The following UIMC1 variants were observed in gnomAD, a reference collection of about 807,000 sequenced individuals.
The protein encoded by UIMC1 is ubiquitin interaction motif containing 1.
A neutral mutation model predicts 84.9 loss-of-function variants in UIMC1; 42 were observed. The ratio of observed to expected loss-of-function variants is 0.49; its 90% CI spans 0.39 to 0.64. The LOEUF (loss-of-function observed/expected upper bound fraction) is 0.64, where lower values mean the gene tolerates loss of function less well. Ranked by LOEUF, UIMC1 falls within the 30% of genes least tolerant of loss-of-function variation. The pLI, the probability that UIMC1 is intolerant of heterozygous loss-of-function variation, is 0.00. For synonymous variants in UIMC1, 281 were observed against 293.0 expected (o/e 0.96, Z 0.42); for missense variants, 825 against 847.6 (o/e 0.97, Z 0.33).
intron 3 of UIMC1, 55 bp from the exon 4 acceptor site, chr5:176,970,921 T>C (rs1294864108): frequency 5.7e-6 from 9 of 1,586,884 alleles, no homozygotes; most frequent in Admixed American, 1.8e-5. Context: ...TGAATAATCA[T>C]GGAGGCAAGA....
chr5:176,951,369 A>T, intron 9 of UIMC1, 105 bp downstream of exon 9: 3 of 799,642 alleles, frequency 3.8e-6, no homozygotes, highest in Non-Finnish European at 5.5e-6. Context: ...CAAAACTAAA[A>T]CCCCCTGCCA....
chr5:176,969,380 T>C lies in UIMC1; in HGVS notation c.464-89A>G, dbSNP rs1581582366. 6 of 1,497,674 alleles carry C rather than the reference T, an allele frequency of 4.0e-6. No individual in the cohort carries two copies. The South Asian group carries it at 4.1e-5, about 10-fold the overall frequency. 92.8% of individuals were successfully genotyped at this position (1,497,674 alleles called of 1,614,324 possible). The stretch of plus-strand genomic sequence containing the variant: ...TTATCACTTACCAAGAATTACATAA[T>C]ATGGGTAAGAAAGGCTCTTCTTTGG... On this transcript the variant is annotated intron_variant, in intron 5 of 14. Transcript: ENST00000511320.
At chr5:176,947,350 T>TTA (rs995084590) in intron 9 of UIMC1, among the ~76,000 whole-genome samples, 8 of 151,874 alleles carry the variant, frequency 5.3e-5, no homozygotes, top group Non-Finnish European at 8.8e-5. Flanking sequence ...TCTACTTCTT[T>TTA]TATATATATA....
chr5:176,986,237 A>G (rs147078436), intron 1 of UIMC1, among the ~76,000 whole-genome samples: 1,626 of 151,556 alleles, frequency 0.011, 11 homozygotes, highest in South Asian at 0.025. Context: ...GCGTGTGACT[A>G]TAATCCCACC....
chr5:176,929,916 A>T (rs1283617799), intron 10 of UIMC1, among the ~76,000 whole-genome samples: 1 of 152,226 alleles, frequency 6.6e-6, no homozygotes. Flanking sequence ...GGATATTGTC[A>T]TCAGAACCTA....
intron 1 of UIMC1, among the ~76,000 whole-genome samples, chr5:177,004,442 A>T (rs150825261): frequency 6.6e-6 from 1 of 151,472 alleles, no homozygotes; most frequent in Non-Finnish European, 1.5e-5. Flanking sequence ...TTCAACTACT[A>T]TTTTTTTTTA....
In UIMC1 at chr5:176,927,223, A is replaced by C. The variant is rs1216831676; in HGVS notation, c.1598-15834T>G. On this transcript the variant is annotated intron_variant, in intron 10 of 14. Transcript: ENST00000511320. ...TTAAAAAAGAAAAAAAAAAAAAAAA[A>C]AAGCACCAGTAGTGTGTCACAGACC... Among the ~76,000 whole-genome samples the C allele has an allele frequency of 2.1e-5, 3 of 142,068 alleles. No individual in the cohort carries two copies. In the East Asian group the frequency reaches 6.3e-4, roughly 30 times the overall value. The allele number at this position is 142,068 out of a possible 152,430, so 93.2% of individuals were successfully genotyped here.
Position 176,970,732 on chromosome 5 carries a change from G to A in UIMC1, c.357+10C>T. 1.2e-6 allele frequency: 2 copies of A among 1,613,890 alleles called. No individual in the cohort carries two copies. Among genetic ancestry groups the A allele is most frequent in the Non-Finnish European group, 8.5e-7 (1 of 1,180,004 alleles). Reference sequence around the variant, plus strand: ...AATCTCCACAAACTTTTGCAACATGGCATATTTACATTCAGGCTTTCAGCA... The same window carrying A: ...AATCTCCACAAACTTTTGCAACATGACATATTTACATTCAGGCTTTCAGCA... On this transcript the variant is annotated intron_variant, in intron 4 of 14. Transcript: ENST00000511320.
chr5:176,939,010 T>C (rs532734212), intron 10 of UIMC1, among the ~76,000 whole-genome samples: 21 of 151,050 alleles, frequency 1.4e-4, no homozygotes, highest in South Asian at 1.3e-3. Flanking sequence ...CCCAACACTT[T>C]AGGAGGCCAA....
intron 2 of UIMC1, among the ~76,000 whole-genome samples, chr5:176,976,169 A>G (rs353463): frequency 6.6e-6 from 1 of 151,604 alleles, no homozygotes; most frequent in African/African-American, 2.4e-5. Flanking sequence ...AATTAAAAAG[A>G]ATTTTTTTTA....
In UIMC1 at chr5:176,959,869, T is replaced by C. The variant is rs574621329; in HGVS notation, c.1201-1715A>G. On this transcript the variant is annotated intron_variant, in intron 6 of 14. Transcript: ENST00000511320. ...CAACATGGAGAAATCCCGTCTCTAC[T>C]AAAAATACAAAATTAGCCGGGCATG... Among the ~76,000 whole-genome samples, 126 of 151,382 alleles carry C rather than the reference T, an allele frequency of 8.3e-4. 1 individual carries two copies. Among genetic ancestry groups the C allele is most frequent in the African/African-American group, 2.9e-3 (120 of 41,204 alleles).
chr5:176,905,239 C>T lies in UIMC1; in HGVS notation c.*43G>A, dbSNP rs886139011. ...ACTATGGCTTAATGAACATGGCCCA[C>T]CCCTCCTACTAATGGTTTTGTCAAC... On this transcript the variant is annotated 3_prime_UTR_variant, in exon 15 of 15. Coordinates refer to ENST00000511320, the MANE Select transcript of UIMC1 (RefSeq NM_001199298.2). 5.0e-6 allele frequency: 8 copies of T among 1,601,374 alleles called. No homozygotes were observed. The African/African-American group carries it at 9.4e-5, about 19-fold the overall frequency.
intron 1 of UIMC1, among the ~76,000 whole-genome samples, chr5:177,020,587 C>T (rs1336276535): frequency 1.3e-5 from 2 of 152,152 alleles, no homozygotes; most frequent in Non-Finnish European, 2.9e-5. Context: ...CCCGCCACCA[C>T]GCCCGGCTAA....
At chr5:176,979,194 T>G (rs981933273) in intron 2 of UIMC1, among the ~76,000 whole-genome samples, 5 of 152,194 alleles carry the variant, frequency 3.3e-5, no homozygotes, top group African/African-American at 1.2e-4. Context: ...TTGGAAAGTG[T>G]TGGTAGATAT....
chr5:176,928,401 G>C (rs985756594), intron 10 of UIMC1, among the ~76,000 whole-genome samples: 6 of 152,120 alleles, frequency 3.9e-5, no homozygotes, highest in African/African-American at 1.4e-4. Flanking sequence ...AGATACTATG[G>C]AGGGAATAAA....
At chr5:176,964,869 C>G (rs992103032) in intron 6 of UIMC1, among the ~76,000 whole-genome samples, 3 of 152,178 alleles carry the variant, frequency 2.0e-5, no homozygotes, top group Admixed American at 6.6e-5. Context: ...CAAGCCACAG[C>G]TGACTGGGCT....
chr5:176,972,606 G>A (rs1475522608), intron 3 of UIMC1, among the ~76,000 whole-genome samples: 1 of 151,274 alleles, frequency 6.6e-6, no homozygotes, highest in African/African-American at 2.4e-5. Flanking sequence ...CGTGGTGGCA[G>A]GCGCCTGTAA....
At chr5:177,022,572 G>T in exon 1 of UIMC1, 2 of 659,078 alleles carry the variant, frequency 3.0e-6, no homozygotes. Context: ...CACACGCTCT[G>T]AGGTACCAGA....
At chr5:176,958,186 C>T (rs758960572) in intron 6 of UIMC1, 32 bp from the exon 7 acceptor site, 2 of 1,586,166 alleles carry the variant, frequency 1.3e-6, no homozygotes, top group Non-Finnish European at 1.7e-6. Context: ...CTTAAATATA[C>T]AGGCACAGGT....
Sources: gnomAD v4.1 joint callset for allele counts (sites outside exome capture counted in the v4.1 genomes callset) on GRCh38, gnomAD v4.1.1 for gene constraint, MANE v1.5 for transcripts, NCBI Gene and HGNC (gene_info 2026-07-23, HGNC 2026-07-21) for gene names.